HLF: variants seen among roughly 807,000 people sequenced by gnomAD.
HLF encodes HLF transcription factor, PAR bZIP family member.
Under a neutral mutation model 22.6 loss-of-function variants are expected in HLF, and 3 were observed. The observed-to-expected ratio is 0.13, with a 90% CI of 0.06 to 0.34. The LOEUF (loss-of-function observed/expected upper bound fraction) is 0.34, where lower values mean the gene tolerates loss of function less well. Ranked by LOEUF, HLF falls within the 10% of genes least tolerant of loss-of-function variation. The pLI is 1.00. For synonymous variants in HLF, 151 were observed against 151.8 expected, an observed-to-expected ratio of 0.99 and a Z score of 0.04; for missense variants, 299 against 389.2, an observed-to-expected ratio of 0.77 and a Z score of 1.95.
intron 2 of HLF, among the ~76,000 whole-genome samples, chr17:55,280,620 C>T (rs1158923630): frequency 3.9e-5 from 6 of 152,104 alleles, no homozygotes; most frequent in Admixed American, 3.9e-4. Flanking sequence ...CTTGGTGACA[C>T]TTCTGGGCCA....
At chr17:55,270,656 C>CTTTTT (rs10712714) in intron 2 of HLF, among the ~76,000 whole-genome samples, 2 of 84,748 alleles carry the variant, frequency 2.4e-5, no homozygotes, top group Admixed American at 1.3e-4. Flanking sequence ...TTGGGTAAAT[C>CTTTTT]TTTTTTTTTT....
Position 55,279,769 on chromosome 17 carries a change from T to C in HLF, c.451+11683T>C, listed in dbSNP as rs538934231. 1.1e-4 allele frequency among the ~76,000 whole-genome samples: 16 copies of C among 152,308 alleles called. No individual in the cohort carries two copies. The South Asian group carries it at 3.3e-3, about 32-fold the overall frequency. On this transcript the variant is annotated intron_variant, in intron 2 of 3. Coordinates refer to ENST00000226067, the MANE Select transcript of HLF (RefSeq NM_002126.5). ...AAAGAATTTTTTTCATTCTGACATT[T>C]CAGTAATTCAGATTAGCATTCCCAC... is the stretch of plus-strand genomic sequence containing the variant.
At chr17:55,294,517 T>C (rs1257735237) in intron 2 of HLF, among the ~76,000 whole-genome samples, 1 of 152,190 alleles carries the variant, frequency 6.6e-6, no homozygotes, top group Non-Finnish European at 1.5e-5. Flanking sequence ...GCACAGGGCA[T>C]GTAGCTAGCA....
Position 55,292,565 on chromosome 17 carries a change from T to C in HLF, c.452-22662T>C, listed in dbSNP as rs553479561. Reference sequence around the variant, plus strand: ...CACTGGGAAACCAAAAAAAAAATGATGTGACTTGCTTTATTGGATTCTTAG... The same window carrying C: ...CACTGGGAAACCAAAAAAAAAATGACGTGACTTGCTTTATTGGATTCTTAG... On this transcript the variant is annotated intron_variant, in intron 2 of 3. Transcript: ENST00000226067. 3.3e-5 allele frequency among the ~76,000 whole-genome samples: 5 copies of C among 152,292 alleles called. 1 individual carries two copies. The South Asian group carries it at 8.3e-4, about 25-fold the overall frequency.
chr17:55,270,622 C>G (rs144055959), intron 2 of HLF, among the ~76,000 whole-genome samples: 1 of 149,638 alleles, frequency 6.7e-6, no homozygotes, highest in Admixed American at 6.6e-5. Flanking sequence ...ATTGGTGTTT[C>G]TCAACCTTGG....
At position 55,274,707 on chromosome 17, in the gene HLF, C is replaced by T. The variant is rs988703120; in HGVS notation, c.451+6621C>T. On this transcript the variant is annotated intron_variant, in intron 2 of 3. Transcript: ENST00000226067. ...TGCTCTGAGCTTTCAGTTTCTCATC[C>T]GGAACTTTGGAATAATCATTGGACC... Among the ~76,000 whole-genome samples, 4 of 152,258 alleles carry T rather than the reference C, an allele frequency of 2.6e-5. No individual in the cohort carries two copies. The South Asian group carries it at 6.2e-4, about 24-fold the overall frequency.
At chr17:55,316,749 A>G (rs1905081438) in intron 3 of HLF, among the ~76,000 whole-genome samples, 2 of 152,182 alleles carry the variant, frequency 1.3e-5, no homozygotes, top group South Asian at 4.1e-4. Context: ...ACGGGGGCCC[A>G]TGGGTGACAA....
Position 55,323,232 on chromosome 17 carries a change from G to C in HLF, c.*2353G>C, listed in dbSNP as rs1235390276. On this transcript the variant is annotated 3_prime_UTR_variant, in exon 4 of 4. Coordinates refer to ENST00000226067, the MANE Select transcript of HLF (RefSeq NM_002126.5). ...TCAAAAACTTTTGCAATCTTAAGCA[G>C]AGATAAATAAAAGATAGCAATATGA... 4.6e-6 allele frequency: 1 copy of C among 217,570 alleles called. No homozygotes were observed. Among genetic ancestry groups the C allele is most frequent in the African/African-American group, 2.2e-5 (1 of 44,504 alleles). 13.5% of individuals were successfully genotyped at this position (217,570 alleles called of 1,614,324 possible).
chr17:55,310,333 C>T (rs771419078), intron 2 of HLF, among the ~76,000 whole-genome samples: 3 of 152,124 alleles, frequency 2.0e-5, no homozygotes, highest in Admixed American at 6.5e-5. Flanking sequence ...ATACCAAGCT[C>T]AGACTTAACA....
intron 2 of HLF, among the ~76,000 whole-genome samples, chr17:55,270,694 T>G (rs1445247984): frequency 7.1e-6 from 1 of 140,398 alleles, no homozygotes; most frequent in Non-Finnish European, 1.5e-5. Context: ...GGAGTCTCGC[T>G]CTGTCGCCCA....
intron 2 of HLF, among the ~76,000 whole-genome samples, chr17:55,304,365 G>A (rs1396579406): frequency 6.6e-6 from 1 of 152,166 alleles, no homozygotes; most frequent in Non-Finnish European, 1.5e-5. Flanking sequence ...ATGGCGAGAA[G>A]GCTCATGGGC....
chr17:55,277,402 A>T (rs2080915284), intron 2 of HLF, among the ~76,000 whole-genome samples: 1 of 152,110 alleles, frequency 6.6e-6, no homozygotes, highest in Non-Finnish European at 1.5e-5. Context: ...TCAAGCTAAA[A>T]ATACTTAGCC....
chr17:55,285,562 G>C (rs2145321948), intron 2 of HLF, among the ~76,000 whole-genome samples: 1 of 152,258 alleles, frequency 6.6e-6, no homozygotes, highest in South Asian at 2.1e-4. Context: ...CTTCTCTCTG[G>C]CTCACGTTTT....
chr17:55,298,966 A>C (rs1226859457), intron 2 of HLF, among the ~76,000 whole-genome samples: 2 of 152,226 alleles, frequency 1.3e-5, no homozygotes, highest in Admixed American at 6.5e-5. Flanking sequence ...CTCTGCCTGC[A>C]TGACTGAAGA....
intron 2 of HLF, among the ~76,000 whole-genome samples, chr17:55,289,242 T>C (rs1185454674): frequency 6.6e-6 from 1 of 152,154 alleles, no homozygotes; most frequent in Non-Finnish European, 1.5e-5. Context: ...CACCAGGCCA[T>C]GAGCAGTTGA....
chr17:55,302,631 TTTC>T (rs1904346852), intron 2 of HLF, among the ~76,000 whole-genome samples: 1 of 152,156 alleles, frequency 6.6e-6, no homozygotes, highest in African/African-American at 2.4e-5. Flanking sequence ...TTCACTCTCT[TTTC>T]TAAAAACAAA....
intron 2 of HLF, among the ~76,000 whole-genome samples, chr17:55,303,936 T>A (rs763276232): frequency 1.1e-4 from 16 of 152,216 alleles, no homozygotes; most frequent in Non-Finnish European, 2.4e-4. Flanking sequence ...CACAAGCTTT[T>A]ATTTAATTTT....
At chr17:55,266,295 T>A (rs2080788804) in intron 1 of HLF, 2 of 152,342 alleles carry the variant, frequency 1.3e-5, no homozygotes, top group South Asian at 2.1e-4. Flanking sequence ...AGGAGCCTCC[T>A]CTGGCTTGAG....
At chr17:55,292,613 C>A (rs146109316) in intron 2 of HLF, among the ~76,000 whole-genome samples, 2 of 152,238 alleles carry the variant, frequency 1.3e-5, no homozygotes, top group East Asian at 1.9e-4. Flanking sequence ...GGTCTAGAAC[C>A]GGTCCTGCAA....
Sources: allele counts gnomAD v4.1 joint callset (sites outside exome capture counted in the v4.1 genomes callset), GRCh38; gene constraint gnomAD v4.1.1; transcripts MANE v1.5; gene names NCBI Gene and HGNC (gene_info 2026-07-23, HGNC 2026-07-21).